The following HYDIN variants were observed in gnomAD, a reference collection of about 807,000 sequenced individuals.
HYDIN encodes HYDIN axonemal central pair apparatus protein.
In HYDIN, 132 loss-of-function variants were observed where a neutral mutation model predicts 403.9. The observed-to-expected ratio is 0.33, with a 90% CI of 0.28 to 0.38. The LOEUF (loss-of-function observed/expected upper bound fraction) is 0.38, where lower values mean the gene tolerates loss of function less well. HYDIN is among the 10% of genes least tolerant of loss of function. HYDIN has a pLI of 1.00. For synonymous variants in HYDIN, 1,202 were observed against 1,891.7 expected, an observed-to-expected ratio of 0.64 and a Z score of 9.46; for missense variants, 2,827 against 5,009.5, an observed-to-expected ratio of 0.56 and a Z score of 13.15.
chr16:71,194,202 G>A (rs141204650), intron 1 of HYDIN, among the ~76,000 whole-genome samples: 111 of 152,254 alleles, frequency 7.3e-4, no homozygotes, highest in Non-Finnish European at 1.3e-3. Flanking sequence ...CACAAGGTCA[G>A]GAGATCGAGA....
intron 83 of HYDIN, among the ~76,000 whole-genome samples, chr16:70,824,578 A>T (rs1202549263): frequency 6.7e-6 from 1 of 149,642 alleles, no homozygotes; most frequent in East Asian, 2.0e-4. Context: ...CCCAGGCTGG[A>T]GTGCAGTGGT....
At chr16:70,830,674 T>C (rs1411288650) in intron 80 of HYDIN, among the ~76,000 whole-genome samples, 3 of 150,496 alleles carry the variant, frequency 2.0e-5, no homozygotes, top group Non-Finnish European at 3.0e-5. Flanking sequence ...CAGTTGTACT[T>C]GGAAGAGCCA....
chr16:70,978,407 T>C (rs1028792575), intron 30 of HYDIN, among the ~76,000 whole-genome samples: 8 of 150,348 alleles, frequency 5.3e-5, no homozygotes, highest in Admixed American at 6.6e-5. Flanking sequence ...CACCATGTTG[T>C]CCAGGCTGGT....
chr16:70,909,361 T>C (rs1465922608), intron 47 of HYDIN, among the ~76,000 whole-genome samples: 1 of 152,208 alleles, frequency 6.6e-6, no homozygotes, highest in African/African-American at 2.4e-5. Flanking sequence ...TTTCTAGTGG[T>C]ATTTTCATGT....
chr16:71,068,250 A>G (rs1363547156), intron 14 of HYDIN, among the ~76,000 whole-genome samples: 1 of 147,530 alleles, frequency 6.8e-6, no homozygotes. Flanking sequence ...AGCTTCTGGC[A>G]TGAGTTAAGG....
In HYDIN at chr16:71,224,745, T is replaced by C. The variant is rs2040958367; in HGVS notation, c.-24+5817A>G. On this transcript the variant is annotated intron_variant, in intron 1 of 85. Coordinates refer to ENST00000393567, the MANE Select transcript of HYDIN (RefSeq NM_001270974.2). The stretch of plus-strand genomic sequence containing the variant: ...CCCGGCTAATTTTTTGTATTTTTAG[T>C]AGAGACGGGGTTTCACCGTTTTAGC... Among the ~76,000 whole-genome samples, 4 of 151,432 alleles carry C rather than the reference T, an allele frequency of 2.6e-5. No individual in the cohort carries two copies. In the South Asian group the frequency reaches 8.4e-4, roughly 32 times the overall value.
At chr16:71,055,174 G>C (rs1458993197) in intron 18 of HYDIN, among the ~76,000 whole-genome samples, 1 of 152,298 alleles carries the variant, frequency 6.6e-6, no homozygotes, top group Non-Finnish European at 1.5e-5. Context: ...AAAGTTAGGC[G>C]GTTCATTAGC....
rs542276645 is a variant in HYDIN, at chr16:70,999,106, C to G, written c.3645-6896G>C. ...TTACTCAGAGCTTAGGAGATGAATA[C>G]CATCTTTTTAAAAGGTTCTCAAAAG... is the stretch of plus-strand genomic sequence containing the variant. On this transcript the variant is annotated intron_variant, in intron 23 of 85. Coordinates refer to ENST00000393567, the MANE Select transcript of HYDIN (RefSeq NM_001270974.2). Among the ~76,000 whole-genome samples the G allele has an allele frequency of 3.5e-4, 53 of 152,214 alleles. 1 individual carries two copies. In the East Asian group the frequency reaches 8.9e-3, roughly 26 times the overall value.
intron 39 of HYDIN, among the ~76,000 whole-genome samples, chr16:70,958,544 G>C (rs938001661): frequency 1.9e-4 from 29 of 151,864 alleles, no homozygotes; most frequent in Admixed American, 1.9e-3. Flanking sequence ...AATGGCCTGA[G>C]CCTCTGCAGG....
At chr16:71,225,251 C>G (rs1598074413) in intron 1 of HYDIN, among the ~76,000 whole-genome samples, 1 of 152,266 alleles carries the variant, frequency 6.6e-6, no homozygotes, top group South Asian at 2.1e-4. Flanking sequence ...TTTTTCGTAG[C>G]AGACTTGAAC....
chr16:70,850,252 C>G (rs892567034), intron 74 of HYDIN, among the ~76,000 whole-genome samples, 196 bp downstream of exon 74: 1 of 144,466 alleles, frequency 6.9e-6, no homozygotes, highest in African/African-American at 2.9e-5. Flanking sequence ...CTCCACCCCC[C>G]CCTGAAAATA....
At chr16:71,207,580 C>G (rs375504626) in intron 1 of HYDIN, among the ~76,000 whole-genome samples, 25 of 152,238 alleles carry the variant, frequency 1.6e-4, no homozygotes, top group African/African-American at 5.8e-4. Context: ...CAATACTAAC[C>G]TTGAATGTAA....
At chr16:71,007,957 C>A (rs1292219431) in intron 23 of HYDIN, among the ~76,000 whole-genome samples, 5 of 150,006 alleles carry the variant, frequency 3.3e-5, no homozygotes, top group Non-Finnish European at 7.4e-5. Flanking sequence ...TACATAAACA[C>A]CATGAGTACT....
intron 16 of HYDIN, among the ~76,000 whole-genome samples, chr16:71,063,838 C>T (rs1045461507): frequency 1.1e-4 from 16 of 151,990 alleles, no homozygotes; most frequent in African/African-American, 3.6e-4. Flanking sequence ...GGTGCTTTTT[C>T]GTCTTCAAGT....
chr16:70,904,541 C>A (rs1407515350), intron 50 of HYDIN, among the ~76,000 whole-genome samples: 1 of 41,644 alleles, frequency 2.4e-5, no homozygotes, highest in Non-Finnish European at 4.7e-5. Flanking sequence ...GTTCTTGTTG[C>A]CCAAGTTGGA....
chr16:70,875,920 T>C (rs2040416201), intron 62 of HYDIN, among the ~76,000 whole-genome samples: 1 of 152,200 alleles, frequency 6.6e-6, no homozygotes, highest in East Asian at 1.9e-4. Flanking sequence ...TAAAACATAT[T>C]ATAAAGCCAC....
chr16:71,110,419 A>C (rs1011990587), intron 10 of HYDIN, among the ~76,000 whole-genome samples: 1 of 141,190 alleles, frequency 7.1e-6, no homozygotes, highest in Non-Finnish European at 1.5e-5. Flanking sequence ...TAATATATTT[A>C]TATATAATTA....
chr16:70,939,357 C>T (rs957626732), intron 43 of HYDIN, among the ~76,000 whole-genome samples: 7 of 152,232 alleles, frequency 4.6e-5, no homozygotes, highest in African/African-American at 1.7e-4. Context: ...GTTTATTTCT[C>T]CATAATGATC....
chr16:71,154,954 C>T (rs2085700948), intron 6 of HYDIN, among the ~76,000 whole-genome samples: 3 of 145,890 alleles, frequency 2.1e-5, no homozygotes, highest in Non-Finnish European at 4.5e-5. Flanking sequence ...TAATGCCTGG[C>T]ACAAAGGAAA....
Sources: gnomAD v4.1 joint callset for allele counts (sites outside exome capture counted in the v4.1 genomes callset) on GRCh38, gnomAD v4.1.1 for gene constraint, MANE v1.5 for transcripts, NCBI Gene and HGNC (gene_info 2026-07-23, HGNC 2026-07-21) for gene names.